The following SCAP variants were observed in gnomAD, a reference collection of about 807,000 sequenced individuals.
SCAP encodes sterol regulatory element-binding protein cleavage-activating protein.
Under a neutral mutation model 123.6 loss-of-function variants are expected in SCAP, and 65 were observed. The ratio of observed to expected loss-of-function variants is 0.53; its 90% CI spans 0.43 to 0.65. The LOEUF is 0.65. Among genes scored for constraint, SCAP ranks in the 30% least tolerant of loss-of-function variants. The pLI, the probability that SCAP is intolerant of heterozygous loss-of-function variation, is 0.00. For synonymous variants in SCAP, 740 were observed against 726.3 expected, an observed-to-expected ratio of 1.02 and a Z score of -0.30; for missense variants, 1,398 against 1,712.5, an observed-to-expected ratio of 0.82 and a Z score of 3.24.
chr3:47,443,140 A>G (rs887530132), intron 1 of SCAP, 49 bp from the exon 2 acceptor site: 1 of 1,390,772 alleles, frequency 7.2e-7, no homozygotes, highest in Non-Finnish European at 9.6e-7. Flanking sequence ...TTGGCTCTGC[A>G]CACTAGGGCT....
At chr3:47,446,699 T>C (rs1707058279) in intron 1 of SCAP, among the ~76,000 whole-genome samples, 3 of 151,856 alleles carry the variant, frequency 2.0e-5, no homozygotes, top group Admixed American at 6.6e-5. Context: ...CCCAACACTT[T>C]GGGAGGCTGA....
intron 3 of SCAP, among the ~76,000 whole-genome samples, chr3:47,432,645 C>T (rs1158421277): frequency 6.6e-6 from 1 of 152,008 alleles, no homozygotes; most frequent in African/African-American, 2.4e-5. Context: ...GTCTACTGCC[C>T]GAGTCTCCTA....
rs1364731036 is a variant in SCAP at position 47,435,465 on chromosome 3, AACATACACACACACACACACACACAC to A, written c.123-354_123-329del. On this transcript the variant is annotated intron_variant, in intron 2 of 22. Transcript: ENST00000265565. Reference sequence around the variant, plus strand: ...ATATAACATTAACATATATAATATAAACATACACACACACACACACACACACACACACACACACACACACACACACA... The same window carrying A: ...ATATAACATTAACATATATAATATAAACACACACACACACACACACACACA... Among the ~76,000 whole-genome samples, 154 of 121,524 alleles carry A rather than the reference AACATACACACACACACACACACACAC, an allele frequency of 1.3e-3. 2 individuals are homozygous for A. The highest frequency in any genetic ancestry group is 0.01 in the South Asian group (41 of 3,926). 79.7% of individuals were successfully genotyped at this position (121,524 alleles called of 152,430 possible). A position where few individuals can be genotyped will look rare whatever the true frequency, so the allele number is the denominator to read the frequency against.
intron 1 of SCAP, among the ~76,000 whole-genome samples, chr3:47,452,260 G>GC (rs1206040499): frequency 6.6e-6 from 1 of 152,110 alleles, no homozygotes; most frequent in Non-Finnish European, 1.5e-5. Context: ...TTTATTAAAT[G>GC]CACCTATAAT....
intron 1 of SCAP, among the ~76,000 whole-genome samples, chr3:47,474,746 G>A (rs1437941700): frequency 6.6e-6 from 1 of 152,104 alleles, no homozygotes; most frequent in Non-Finnish European, 1.5e-5. Flanking sequence ...GCAGTGAGCC[G>A]AGATCGCGCC....
intron 1 of SCAP, among the ~76,000 whole-genome samples, chr3:47,456,279 G>A (rs1459060454): frequency 1.3e-5 from 2 of 152,166 alleles, no homozygotes; most frequent in East Asian, 3.8e-4. Flanking sequence ...ATGCACACCT[G>A]TAGTCCCAGC....
upstream of SCAP, among the ~76,000 whole-genome samples, chr3:47,476,609 A>G (rs1219509333): frequency 6.6e-6 from 1 of 152,226 alleles, no homozygotes; most frequent in East Asian, 1.9e-4. Context: ...GGTATTTGTT[A>G]TAATAGCAAC....
chr3:47,470,405 A>G (rs1707985331), intron 1 of SCAP, among the ~76,000 whole-genome samples: 1 of 152,206 alleles, frequency 6.6e-6, no homozygotes, highest in Admixed American at 6.5e-5. Flanking sequence ...CAGGTGTAGC[A>G]TAGGGCTATA....
chr3:47,456,081 A>G (rs1057355507), intron 1 of SCAP, among the ~76,000 whole-genome samples: 1 of 152,210 alleles, frequency 6.6e-6, no homozygotes, highest in Non-Finnish European at 1.5e-5. Flanking sequence ...CCACGGAAAA[A>G]AATTAAGCTG....
At position 47,413,825 on chromosome 3, in the gene SCAP, CCTCCTGCCTGGGCA is replaced by C; in HGVS notation, c.*15_*28del. On this transcript the variant is annotated 3_prime_UTR_variant, in exon 23 of 23. Coordinates refer to ENST00000265565, the MANE Select transcript of SCAP (RefSeq NM_012235.4). ...CATTGGCCCCCACACAGCACCCCAG[CCTCCTGCCTGGGCA>C]AGGAGGCCCTGCGCTCAGTCCAGCT... The C allele has an allele frequency of 1.9e-6, 3 of 1,602,622 alleles. No individual in the cohort carries two copies. Among genetic ancestry groups the C allele is most frequent in the Non-Finnish European group, 2.6e-6 (3 of 1,173,578 alleles).
intron 16 of SCAP, 88 bp from the exon 17 acceptor site, chr3:47,417,914 TGA>T: frequency 5.1e-6 from 1 of 194,384 alleles, no homozygotes; most frequent in Non-Finnish European, 9.2e-6. Context: ...GGCGTGGGAG[TGA>T]GAAGGGGCAA....
chr3:47,473,756 T>G (rs934487471), intron 1 of SCAP, among the ~76,000 whole-genome samples: 1 of 152,176 alleles, frequency 6.6e-6, no homozygotes, highest in African/African-American at 2.4e-5. Context: ...ATACCTGCAG[T>G]GAAGCCCACA....
At chr3:47,422,590 A>C in intron 9 of SCAP, 54 bp from the exon 10 acceptor site, 1 of 1,431,100 alleles carries the variant, frequency 7.0e-7, no homozygotes. Flanking sequence ...CTGCGACATG[A>C]CTCACACAAC....
intron 6 of SCAP, 26 bp from the exon 7 acceptor site, chr3:47,426,195 A>G: frequency 6.2e-7 from 1 of 1,604,514 alleles, no homozygotes; most frequent in Non-Finnish European, 8.5e-7. Flanking sequence ...GGTGGGGGTA[A>G]ATGGAAGTGT....
rs760808778 is a variant in SCAP, at chr3:47,417,866, AGGGGGGT to A, written c.2448-47_2448-41del. 97 of 397,538 alleles carry A rather than the reference AGGGGGGT, an allele frequency of 2.4e-4. 2 individuals carry two copies. Among genetic ancestry groups the A allele is most frequent in the African/African-American group, 2.1e-3 (32 of 15,326 alleles). The allele number at this position is 397,538 out of a possible 1,614,324, so 24.6% of individuals were successfully genotyped here. A position where few individuals can be genotyped will look rare whatever the true frequency, so the allele number is the denominator to read the frequency against. ...GGCGGAGTGAGAGGGGGCACGGGGG[AGGGGGGT>A]GAGAGGGGGCGGGGGACGGGGGTGA... On this transcript the variant is annotated intron_variant, in intron 16 of 22. Transcript: ENST00000265565.
chr3:47,469,291 G>A (rs1183017510), intron 1 of SCAP, among the ~76,000 whole-genome samples: 10 of 152,200 alleles, frequency 6.6e-5, no homozygotes, highest in Admixed American at 5.9e-4. Context: ...AGGTTGCGGT[G>A]AGCAGAGACC....
chr3:47,420,742 CA>C lies in SCAP; in HGVS notation c.1374del (p.Glu459ArgfsTer22). ...GGCTTGGCTGAGGGCAGGCAGGCCT[CA>C]GGGGGCAGTCGCTTGTTCAGGTCTG... ...ELADLNKRLP[P>X]EACLPSAKPV... On this transcript the variant is annotated frameshift_variant, in exon 12 of 23. Coordinates refer to ENST00000265565, the MANE Select transcript of SCAP (RefSeq NM_012235.4). LOFTEE classifies it high-confidence loss of function. The surrounding 1 kb of genome is among the most constrained non-coding windows in gnomAD (Gnocchi z 5.0). 1 of 1,610,932 alleles carries C rather than the reference CA, an allele frequency of 6.2e-7. No homozygotes were observed. The highest frequency in any genetic ancestry group is 8.5e-7 in the Non-Finnish European group (1 of 1,179,922).
chr3:47,430,320 G>T (rs1200149857), intron 3 of SCAP, among the ~76,000 whole-genome samples: 1 of 152,136 alleles, frequency 6.6e-6, no homozygotes. Context: ...TACCTTTCAA[G>T]AGCTTAACAG....
intron 3 of SCAP, among the ~76,000 whole-genome samples, chr3:47,432,345 GAA>G (rs1164512061): frequency 7.3e-6 from 1 of 137,666 alleles, no homozygotes. Flanking sequence ...AAAGAAAAAG[GAA>G]AAAAAAAAAG....
Sources: gnomAD v4.1 joint callset for allele counts (sites outside exome capture counted in the v4.1 genomes callset) on GRCh38, gnomAD v4.1.1 for gene constraint, Gnocchi (gnomAD v3.1) non-coding constraint, MANE v1.5 for transcripts, NCBI Gene and HGNC (gene_info 2026-07-23, HGNC 2026-07-21) for gene names.